EYS: variants seen among roughly 807,000 people sequenced by gnomAD.
EYS encodes protein eyes shut homolog.
EYS carries 250 observed loss-of-function variants against 282.1 expected under a neutral mutation model. The ratio of observed to expected loss-of-function variants is 0.89; its 90% CI spans 0.80 to 0.98. EYS has a LOEUF of 0.98. EYS is among the 50% of genes least tolerant of loss of function. The pLI is 0.00. For missense variants in EYS, 4,016 were observed against 3,709.0 expected (o/e 1.08, Z -2.15); for synonymous variants, 1,355 against 1,282.9 (o/e 1.06, Z -1.20).
In EYS at chr6:65,043,153, G is replaced by T. The variant is rs964746724; in HGVS notation, c.2137+14461C>A. ...TGATGTTTTGATATACGTATACAAA[G>T]TTCAATGATTAAATTGAGCTAATTA... is the stretch of plus-strand genomic sequence containing the variant. On this transcript the variant is annotated intron_variant, in intron 13 of 42. Transcript: ENST00000503581. Among the ~76,000 whole-genome samples, 24 of 151,516 alleles carry T rather than the reference G, an allele frequency of 1.6e-4. 1 individual carries two copies. Among genetic ancestry groups the T allele is most frequent in the Admixed American group, 6.6e-4 (10 of 15,162 alleles).
Position 65,002,319 on chromosome 6 carries a change from T to G in EYS, c.2138-4616A>C, listed in dbSNP as rs1463317603. On this transcript the variant is annotated intron_variant, in intron 13 of 42. Transcript: ENST00000503581. The stretch of plus-strand genomic sequence containing the variant: ...AAATTTTAAAATACAATCTTGGAAG[T>G]GCCAAAATCTGGAACAAAAATAATA... 2.0e-5 allele frequency among the ~76,000 whole-genome samples: 3 copies of G among 147,596 alleles called. 1 individual carries two copies. The highest frequency in any genetic ancestry group is 4.5e-5 in the Non-Finnish European group (3 of 65,974).
At chr6:65,019,304 C>T (rs952540199) in intron 13 of EYS, among the ~76,000 whole-genome samples, 9 of 152,026 alleles carry the variant, frequency 5.9e-5, no homozygotes, top group Non-Finnish European at 1.3e-4. Context: ...TCTCTTAAAC[C>T]ACTCTCACTG....
chr6:64,911,322 G>A (rs1767984173), intron 16 of EYS, among the ~76,000 whole-genome samples: 1 of 151,668 alleles, frequency 6.6e-6, no homozygotes, highest in Non-Finnish European at 1.5e-5. Context: ...GCTCTATAAA[G>A]CCCATGCTAT....
chr6:63,994,199 G>A, intron 34 of EYS, among the ~76,000 whole-genome samples: 1 of 151,880 alleles, frequency 6.6e-6, no homozygotes, highest in Non-Finnish European at 1.5e-5. Context: ...GTCGTTAAAT[G>A]TAAAATATTC....
At chr6:63,826,122 A>T (rs1219210745) in intron 36 of EYS, among the ~76,000 whole-genome samples, 4 of 152,200 alleles carry the variant, frequency 2.6e-5, no homozygotes, top group Middle Eastern at 3.2e-3. Context: ...TTAACAATAG[A>T]ATTGAACAAG....
rs1463072277 is a variant in EYS at position 63,788,069 on chromosome 6, TA to T, written c.7723+35del. 4 of 1,438,602 alleles carry T rather than the reference TA, an allele frequency of 2.8e-6. No homozygotes were observed. In the African/African-American group the frequency reaches 5.9e-5, roughly 21 times the overall value. 89.1% of individuals were successfully genotyped at this position (1,438,602 alleles called of 1,614,324 possible). ...TATTTTTTTCCCTCAACATTTGAAA[TA>T]AGTAGGTATAATATAAAAAATGTCC... is the stretch of plus-strand genomic sequence containing the variant. On this transcript the variant is annotated intron_variant, in intron 39 of 42. Coordinates refer to ENST00000503581, the MANE Select transcript of EYS (RefSeq NM_001142800.2).
chr6:63,730,907 G>T (rs1023432227), intron 41 of EYS, among the ~76,000 whole-genome samples: 3 of 152,158 alleles, frequency 2.0e-5, no homozygotes, highest in African/African-American at 7.2e-5. Flanking sequence ...TGTAGCCCCA[G>T]CTATTCAGGA....
At chr6:65,181,231 T>G (rs2150233499) in intron 12 of EYS, among the ~76,000 whole-genome samples, 1 of 152,198 alleles carries the variant, frequency 6.6e-6, no homozygotes, top group Non-Finnish European at 1.5e-5. Context: ...CTAAGGAGCT[T>G]CTGCACAGCA....
intron 28 of EYS, among the ~76,000 whole-genome samples, chr6:64,417,671 CTTTT>C (rs11414644): frequency 7.3e-5 from 9 of 124,016 alleles, no homozygotes; most frequent in Admixed American, 9.2e-5. Context: ...TAAGGGTTGG[CTTTT>C]TTTTTTTTTT....
At chr6:65,511,001 G>T (rs1395116841) in intron 2 of EYS, among the ~76,000 whole-genome samples, 2 of 152,128 alleles carry the variant, frequency 1.3e-5, no homozygotes, top group Non-Finnish European at 2.9e-5. Context: ...GTTAATTTGT[G>T]AAGAATTTGT....
At chr6:64,042,170 G>C (rs926826304) in intron 33 of EYS, among the ~76,000 whole-genome samples, 3 of 152,152 alleles carry the variant, frequency 2.0e-5, no homozygotes, top group Non-Finnish European at 4.4e-5. Flanking sequence ...TCATATTTTT[G>C]GTTAGTGATG....
intron 12 of EYS, among the ~76,000 whole-genome samples, chr6:65,062,703 G>A (rs895798836): frequency 2.6e-5 from 4 of 151,798 alleles, no homozygotes; most frequent in African/African-American, 7.3e-5. Context: ...TTACCTGAGG[G>A]TCTTGCTCTA....
chr6:64,922,208 G>T (rs1448248366), intron 15 of EYS, among the ~76,000 whole-genome samples: 2 of 152,326 alleles, frequency 1.3e-5, no homozygotes, highest in East Asian at 3.9e-4. Flanking sequence ...ATGCATATAT[G>T]TGTTCACACA....
At chr6:64,500,802 T>C (rs1034645538) in intron 26 of EYS, among the ~76,000 whole-genome samples, 1 of 152,094 alleles carries the variant, frequency 6.6e-6, no homozygotes, top group African/African-American at 2.4e-5. Flanking sequence ...AAAACTGTTT[T>C]AGAAAACCAA....
rs115736750 is a variant in EYS at position 65,250,233 on chromosome 6, C to A, written c.2023+45630G>T. 1.4e-3 allele frequency among the ~76,000 whole-genome samples: 220 copies of A among 152,074 alleles called. 1 individual carries two copies. The Middle Eastern group carries it at 0.017, about 12-fold the overall frequency. ...TACTAAAACTATGCTCTATTATATG[C>A]ATGATGAAGTCTGGAGAGTGTTCTG... is the stretch of plus-strand genomic sequence containing the variant. On this transcript the variant is annotated intron_variant, in intron 12 of 42. Coordinates refer to ENST00000503581, the MANE Select transcript of EYS (RefSeq NM_001142800.2).
At chr6:65,298,730 A>T (rs1348778820) in intron 11 of EYS, among the ~76,000 whole-genome samples, 3 of 150,426 alleles carry the variant, frequency 2.0e-5, no homozygotes, top group South Asian at 2.1e-4. Context: ...ATACATATTT[A>T]TATATATATA....
rs540846120 is a variant in EYS at position 64,253,164 on chromosome 6, T to C, written c.6192-22340A>G. Among the ~76,000 whole-genome samples, 44 of 152,276 alleles carry C rather than the reference T, an allele frequency of 2.9e-4. No individual in the cohort carries two copies. The East Asian group carries it at 7.9e-3, about 27-fold the overall frequency. ...CCTTGAAGCTAATTAATATATCAGT[T>C]AAATAGTTTAAATTAAAATTTAATA... On this transcript the variant is annotated intron_variant, in intron 30 of 42. Transcript: ENST00000503581.
At chr6:64,605,425 T>C (rs540968851) in intron 24 of EYS, among the ~76,000 whole-genome samples, 299 of 152,038 alleles carry the variant, frequency 2.0e-3, no homozygotes, top group African/African-American at 6.9e-3. Context: ...AATAGCAAAA[T>C]CAAGAAATTA....
chr6:64,780,128 T>A (rs1409589140), intron 22 of EYS, among the ~76,000 whole-genome samples: 1 of 152,258 alleles, frequency 6.6e-6, no homozygotes, highest in Middle Eastern at 3.4e-3. Context: ...TAAGTAGATA[T>A]CTGGGAGAGA....
Sources: gnomAD v4.1 joint callset for allele counts (sites outside exome capture counted in the v4.1 genomes callset) on GRCh38, gnomAD v4.1.1 for gene constraint, MANE v1.5 for transcripts, NCBI Gene and HGNC (gene_info 2026-07-23, HGNC 2026-07-21) for gene names.